PTPN5: variants seen among roughly 807,000 people sequenced by gnomAD.
The protein encoded by PTPN5 is tyrosine-protein phosphatase non-receptor type 5.
In PTPN5, 29 loss-of-function variants were observed where a neutral mutation model predicts 73.9. The observed-to-expected ratio is 0.39, with a 90% CI of 0.29 to 0.54. The LOEUF (loss-of-function observed/expected upper bound fraction) is 0.54. PTPN5 is among the 20% of genes least tolerant of loss of function. PTPN5 has a pLI of 0.65. For missense variants in PTPN5, 652 were observed against 751.4 expected (o/e 0.87, Z 1.55); for synonymous variants, 267 against 304.7 (o/e 0.88, Z 1.29).
chr11:18,764,981 G>C (rs1280555575), intron 3 of PTPN5, among the ~76,000 whole-genome samples: 1 of 152,068 alleles, frequency 6.6e-6, no homozygotes, highest in East Asian at 1.9e-4. Context: ...CAAAGTGCTG[G>C]GATTACAGGC....
chr11:18,770,759 T>G (rs951741706), intron 2 of PTPN5, among the ~76,000 whole-genome samples: 1 of 152,204 alleles, frequency 6.6e-6, no homozygotes, highest in African/African-American at 2.4e-5. Context: ...CTCGTTCGTA[T>G]GTGTGAAGGT....
chr11:18,780,133 C>T (rs1244534737), intron 1 of PTPN5, among the ~76,000 whole-genome samples: 1 of 152,228 alleles, frequency 6.6e-6, no homozygotes, highest in African/African-American at 2.4e-5. Context: ...CTTCCTATTT[C>T]CTCAGGCTCT....
chr11:18,765,771 G>A (rs753027961), intron 3 of PTPN5, 36 bp downstream of exon 3: 128 of 1,420,056 alleles, frequency 9.0e-5, no homozygotes, highest in Non-Finnish European at 1.2e-4. Flanking sequence ...TCTCCATTCT[G>A]AGGTCTGGGA....
At chr11:18,773,176 G>C (rs545786361) in intron 1 of PTPN5, among the ~76,000 whole-genome samples, 1 of 151,790 alleles carries the variant, frequency 6.6e-6, no homozygotes, top group African/African-American at 2.4e-5. Flanking sequence ...CTTCTTTCCA[G>C]AGAGGTAAGA....
chr11:18,768,170 T>G (rs544047673), intron 2 of PTPN5, among the ~76,000 whole-genome samples: 31 of 152,206 alleles, frequency 2.0e-4, no homozygotes, highest in African/African-American at 6.0e-4. Flanking sequence ...GAGAAAACAT[T>G]AGGAATCTCA....
At chr11:18,736,342 T>C (rs1351508718) in intron 9 of PTPN5, among the ~76,000 whole-genome samples, 2 of 152,190 alleles carry the variant, frequency 1.3e-5, no homozygotes. Flanking sequence ...GCTTTGATGC[T>C]TGGGACACGG....
chr11:18,740,236 G>A (rs1308251451), intron 8 of PTPN5, among the ~76,000 whole-genome samples: 2 of 152,226 alleles, frequency 1.3e-5, no homozygotes, highest in Middle Eastern at 3.4e-3. Context: ...AACAATGCTC[G>A]GCAGGAGGAA....
At chr11:18,746,938 G>A (rs1257115600) in intron 3 of PTPN5, among the ~76,000 whole-genome samples, 2 of 152,198 alleles carry the variant, frequency 1.3e-5, no homozygotes, top group Non-Finnish European at 2.9e-5. Context: ...GGTGGGAAGG[G>A]ACAGACCCAG....
chr11:18,774,941 A>G (rs1432966110), intron 1 of PTPN5, among the ~76,000 whole-genome samples: 1 of 152,212 alleles, frequency 6.6e-6, no homozygotes, highest in Non-Finnish European at 1.5e-5. Flanking sequence ...CTGTTCAGTA[A>G]CATCTTAGCT....
At chr11:18,761,005 G>A (rs1850361024) in intron 3 of PTPN5, among the ~76,000 whole-genome samples, 2 of 152,384 alleles carry the variant, frequency 1.3e-5, no homozygotes, top group South Asian at 4.1e-4. Context: ...GGTTTGAGGG[G>A]TGGCCAAGGA....
Position 18,729,071 on chromosome 11 carries a change from T to C in PTPN5, c.1605-44A>G, listed in dbSNP as rs988979842. 1.2e-5 allele frequency: 19 copies of C among 1,595,972 alleles called. 1 individual carries two copies. The highest frequency in any genetic ancestry group is 4.3e-6 in the Non-Finnish European group (5 of 1,170,864). ...CAGTGGGGGCAGGGTCGTGGAGGGATGGGCTGTGGGAGGTGCCCCAAAAGC... is the reference window on the plus strand; with the variant it reads ...CAGTGGGGGCAGGGTCGTGGAGGGACGGGCTGTGGGAGGTGCCCCAAAAGC... On this transcript the variant is annotated intron_variant, in intron 14 of 14. Coordinates refer to ENST00000358540, the MANE Select transcript of PTPN5 (RefSeq NM_006906.2). The surrounding 1 kb of genome is among the most constrained non-coding windows in gnomAD (Gnocchi z 5.2).
At position 18,740,713 on chromosome 11, in the gene PTPN5, G is replaced by C. The variant is rs772689739; in HGVS notation, c.805C>G (p.Pro269Ala). The C allele has an allele frequency of 1.2e-6, 2 of 1,607,064 alleles. No homozygotes were observed. Among genetic ancestry groups the C allele is most frequent in the South Asian group, 1.1e-5 (1 of 89,976 alleles). ...NEEGFGYLMSPREESAREYLL... is the reference protein window; with the variant it reads ...NEEGFGYLMSAREESAREYLL... ...TACTCGCGGGCGGACTCCTCACGTG[G>C]GGACATGAGATAGCCAAAGCCCTCC... The change falls in exon 8 of 15, where the codon CCA becomes GCA. Residue 269 changes from proline to alanine, a missense_variant. Coordinates refer to ENST00000358540, the MANE Select transcript of PTPN5 (RefSeq NM_006906.2).
chr11:18,765,869 TTC>T lies in PTPN5; in HGVS notation c.33_34del (p.Asn12ProfsTer4), dbSNP rs866490868. On this transcript the variant is annotated frameshift_variant, in exon 3 of 15. Coordinates refer to ENST00000358540, the MANE Select transcript of PTPN5 (RefSeq NM_006906.2). LOFTEE classifies it high-confidence loss of function. ...TCCCTCGGAGTCATCAGCAGCGTGG[TTC>T]TCTCTCTCACTCCTGCAGCAGGATG... is the stretch of plus-strand genomic sequence containing the variant. 7 of 1,579,086 alleles carry T rather than the reference TTC, an allele frequency of 4.4e-6. No homozygotes were observed. Among genetic ancestry groups the T allele is most frequent in the African/African-American group, 2.7e-5 (2 of 74,482 alleles).
chr11:18,743,121 G>T, intron 5 of PTPN5, 46 bp from the exon 6 acceptor site: 1 of 1,379,490 alleles, frequency 7.2e-7, no homozygotes, highest in Non-Finnish European at 1.0e-6. Flanking sequence ...TGGGGGCAGA[G>T]TTCTCAGCTC....
rs1848771447 is a variant in PTPN5, at chr11:18,729,415, G to C, written c.1604+38C>G. 3 of 1,005,128 alleles carry C rather than the reference G, an allele frequency of 3.0e-6. No individual in the cohort carries two copies. The highest frequency in any genetic ancestry group is 4.7e-6 in the Non-Finnish European group (3 of 633,628). The allele number at this position is 1,005,128 out of a possible 1,614,324, so 62.3% of individuals were successfully genotyped here. A position where few individuals can be genotyped will look rare whatever the true frequency, so the allele number is the denominator to read the frequency against. On this transcript the variant is annotated intron_variant, in intron 14 of 14. Transcript: ENST00000358540. The surrounding 1 kb of genome is among the most constrained non-coding windows in gnomAD (Gnocchi z 5.2). Reference sequence around the variant, plus strand: ...CTCCCTCTACCCGCTCGGGGCTCTAGCTCCCTTGTGTGTCCCCACTCCCGC... The same window carrying C: ...CTCCCTCTACCCGCTCGGGGCTCTACCTCCCTTGTGTGTCCCCACTCCCGC...
chr11:18,791,726 G>GGCGCTCCGTCCC lies in PTPN5; in HGVS notation c.-327_-316dup, dbSNP rs920017574. 2 of 152,182 alleles carry GGCGCTCCGTCCC rather than the reference G, an allele frequency of 1.3e-5. No individual in the cohort carries two copies. The highest frequency in any genetic ancestry group is 1.9e-4 in the East Asian group (1 of 5,170). 9.4% of individuals were successfully genotyped at this position (152,182 alleles called of 1,614,324 possible). A position where few individuals can be genotyped will look rare whatever the true frequency, so the allele number is the denominator to read the frequency against. On this transcript the variant is annotated 5_prime_UTR_variant, in exon 1 of 15. Transcript: ENST00000358540. The stretch of plus-strand genomic sequence containing the variant: ...CCTCCGTCCTTCGGTCCGTCCGCCT[G>GGCGCTCCGTCCC]GCGCTCCGTCCCGCGCTCCGTGCGC...
chr11:18,744,925 T>C (rs1849546962), intron 3 of PTPN5, among the ~76,000 whole-genome samples: 1 of 152,194 alleles, frequency 6.6e-6, no homozygotes, highest in African/African-American at 2.4e-5. Context: ...AGAGCCCTAG[T>C]GTTTTCTCAG....
intron 1 of PTPN5, among the ~76,000 whole-genome samples, chr11:18,778,843 G>A (rs950194926): frequency 4.6e-5 from 7 of 152,102 alleles, no homozygotes; most frequent in Non-Finnish European, 8.8e-5. Flanking sequence ...GATACACCCC[G>A]GAACTAGAAT....
intron 12 of PTPN5, among the ~76,000 whole-genome samples, chr11:18,730,909 A>T (rs1848844248): frequency 6.6e-6 from 1 of 152,142 alleles, no homozygotes. Context: ...TGTAGGTAAA[A>T]TCTCAGCAGC....
Sources: allele counts gnomAD v4.1 joint callset (sites outside exome capture counted in the v4.1 genomes callset), GRCh38; gene constraint gnomAD v4.1.1; non-coding constraint Gnocchi (gnomAD v3.1); transcripts MANE v1.5; gene names NCBI Gene and HGNC (gene_info 2026-07-23, HGNC 2026-07-21).